GPC5: variants seen among roughly 807,000 people sequenced by gnomAD.
The protein encoded by GPC5 is glypican-5.
A neutral mutation model predicts 53.9 loss-of-function variants in GPC5; 47 were observed. The ratio of observed to expected loss-of-function variants is 0.87; its 90% confidence interval spans 0.69 to 1.11. GPC5 has a LOEUF of 1.11. Among genes scored for constraint, GPC5 ranks in the 50% most tolerant of loss-of-function variants. The pLI, the probability that GPC5 is intolerant of heterozygous loss-of-function variation, is 0.00. For missense variants in GPC5, 748 were observed against 713.1 expected (o/e 1.05, Z -0.56); for synonymous variants, 286 against 263.3 (o/e 1.09, Z -0.84).
At chr13:92,407,370 T>G (rs1472753221) in intron 7 of GPC5, among the ~76,000 whole-genome samples, 4 of 152,178 alleles carry the variant, frequency 2.6e-5, no homozygotes, top group Non-Finnish European at 4.4e-5. Flanking sequence ...AATAGCCCAT[T>G]GGTAGCCTCG....
intron 5 of GPC5, among the ~76,000 whole-genome samples, chr13:91,859,252 G>A (rs1355214181): frequency 6.6e-6 from 1 of 150,888 alleles, no homozygotes; most frequent in African/African-American, 2.4e-5. Context: ...ATTTATTTGA[G>A]GTTTTTCACT....
At chr13:92,267,736 A>G (rs1176857554) in intron 7 of GPC5, among the ~76,000 whole-genome samples, 1 of 152,124 alleles carries the variant, frequency 6.6e-6, no homozygotes, top group South Asian at 2.1e-4. Flanking sequence ...TTTTATTGGA[A>G]TACATTCACA....
intron 2 of GPC5, among the ~76,000 whole-genome samples, chr13:91,559,832 G>C (rs2031162781): frequency 6.6e-6 from 1 of 152,060 alleles, no homozygotes; most frequent in African/African-American, 2.4e-5. Context: ...CCATTGCAAG[G>C]GGGGAAATTT....
At chr13:92,553,989 A>G (rs371772627) in intron 7 of GPC5, among the ~76,000 whole-genome samples, 6 of 151,976 alleles carry the variant, frequency 3.9e-5, no homozygotes, top group African/African-American at 1.4e-4. Context: ...TAGTAAAAAT[A>G]TTTTTGTAGC....
At chr13:91,539,074 T>C (rs1359489931) in intron 2 of GPC5, among the ~76,000 whole-genome samples, 1 of 152,212 alleles carries the variant, frequency 6.6e-6, no homozygotes, top group Non-Finnish European at 1.5e-5. Flanking sequence ...AGAAGGTTTA[T>C]TGTGTTGCTT....
At chr13:91,792,767 G>T (rs72644051) in intron 5 of GPC5, among the ~76,000 whole-genome samples, 5 of 152,090 alleles carry the variant, frequency 3.3e-5, no homozygotes, top group Admixed American at 3.3e-4. Flanking sequence ...CTTTGGCTTC[G>T]AATGAATTCT....
intron 5 of GPC5, among the ~76,000 whole-genome samples, chr13:91,888,246 A>G (rs1414651998): frequency 6.6e-6 from 1 of 152,162 alleles, no homozygotes; most frequent in East Asian, 1.9e-4. Flanking sequence ...CTTATTCACG[A>G]TCACAAGAAC....
chr13:91,765,677 TAAAA>T (rs1008986000), intron 5 of GPC5, among the ~76,000 whole-genome samples: 1 of 152,198 alleles, frequency 6.6e-6, no homozygotes, highest in Non-Finnish European at 1.5e-5. Context: ...GGTTTTGAAA[TAAAA>T]GAAGTGTACA....
intron 7 of GPC5, among the ~76,000 whole-genome samples, chr13:92,759,095 T>A (rs1157206957): frequency 1.0e-3 from 151 of 148,356 alleles, no homozygotes; most frequent in African/African-American, 3.7e-3. Context: ...ATCCCACTGG[T>A]CCACTGGTCT....
chr13:91,496,214 A>G (rs1884255082), intron 2 of GPC5, among the ~76,000 whole-genome samples: 2 of 152,218 alleles, frequency 1.3e-5, no homozygotes, highest in Non-Finnish European at 2.9e-5. Flanking sequence ...TATGTGTTCT[A>G]GGAATATTCA....
chr13:92,536,929 G>C (rs1881744942), intron 7 of GPC5, among the ~76,000 whole-genome samples: 1 of 151,838 alleles, frequency 6.6e-6, no homozygotes, highest in South Asian at 2.1e-4. Flanking sequence ...TGTAAGTTTT[G>C]ATCTCTTGGC....
intron 7 of GPC5, chr13:92,658,919 G>GTTTTTTTTT (rs1358143857): frequency 8.3e-5 from 8 of 96,064 alleles, no homozygotes; most frequent in African/African-American, 2.8e-4. Flanking sequence ...AGTTGTATAT[G>GTTTTTTTTT]TTTTGTTTTT....
chr13:92,617,492 C>A (rs1194274654), intron 7 of GPC5, among the ~76,000 whole-genome samples: 1 of 152,070 alleles, frequency 6.6e-6, no homozygotes, highest in Non-Finnish European at 1.5e-5. Context: ...TTGCTTACTT[C>A]TTTTTTCACC....
chr13:92,190,223 T>C (rs2042214026), intron 7 of GPC5, among the ~76,000 whole-genome samples: 1 of 152,152 alleles, frequency 6.6e-6, no homozygotes, highest in East Asian at 1.9e-4. Context: ...TGGAGAATTC[T>C]CTACTCTATG....
chr13:92,660,148 C>T (rs1366339911), intron 7 of GPC5, among the ~76,000 whole-genome samples: 2 of 152,070 alleles, frequency 1.3e-5, no homozygotes, highest in Non-Finnish European at 2.9e-5. Context: ...TGAATGGAAC[C>T]ATAAAGCATA....
chr13:92,622,275 T>G (rs950452805), intron 7 of GPC5, among the ~76,000 whole-genome samples: 1 of 152,232 alleles, frequency 6.6e-6, no homozygotes, highest in African/African-American at 2.4e-5. Context: ...CTCAGCTACA[T>G]CGCCACAGGT....
chr13:91,480,245 C>T (rs1054568916), intron 2 of GPC5, among the ~76,000 whole-genome samples: 4 of 152,128 alleles, frequency 2.6e-5, no homozygotes, highest in Non-Finnish European at 5.9e-5. Flanking sequence ...TTTATGGGAC[C>T]ACAGATAGCT....
intron 7 of GPC5, among the ~76,000 whole-genome samples, chr13:92,802,875 C>T (rs1400768215): frequency 2.0e-5 from 3 of 151,882 alleles, no homozygotes; most frequent in Non-Finnish European, 4.4e-5. Context: ...TTGCTATGAA[C>T]ATTGCAAAGT....
chr13:92,616,658 A>G (rs1240706034), intron 7 of GPC5, among the ~76,000 whole-genome samples: 1 of 152,234 alleles, frequency 6.6e-6, no homozygotes, highest in Admixed American at 6.5e-5. Flanking sequence ...ACATATTTAT[A>G]CAAAGGATTA....
Sources: gnomAD v4.1 joint callset for allele counts (sites outside exome capture counted in the v4.1 genomes callset) on GRCh38, gnomAD v4.1.1 for gene constraint, MANE v1.5 for transcripts, NCBI Gene and HGNC (gene_info 2026-07-23, HGNC 2026-07-21) for gene names.